The following RFX7 variants were observed in gnomAD, a reference collection of about 807,000 sequenced individuals.
RFX7 encodes DNA-binding protein RFX7.
A neutral mutation model predicts 111.8 loss-of-function variants in RFX7; 26 were observed. That is an observed-to-expected ratio of 0.23 (90% CI 0.17 to 0.32). RFX7 has a LOEUF of 0.32. Ranked by LOEUF, RFX7 falls within the 10% of genes least tolerant of loss-of-function variation. RFX7 has a pLI of 1.00. For missense variants in RFX7, 1,573 were observed against 1,772.9 expected (o/e 0.89, Z 2.02); for synonymous variants, 624 against 624.4 (o/e 1.00, Z 0.01).
intron 3 of RFX7, among the ~76,000 whole-genome samples, chr15:56,158,586 T>C (rs2042682747): frequency 6.6e-6 from 1 of 152,062 alleles, no homozygotes; most frequent in Non-Finnish European, 1.5e-5. Context: ...CAGCCTCACA[T>C]ATTTTTTTAT....
At chr15:56,141,428 C>T (rs1392351126) in intron 5 of RFX7, among the ~76,000 whole-genome samples, 3 of 151,682 alleles carry the variant, frequency 2.0e-5, no homozygotes, top group Admixed American at 1.3e-4. Context: ...TCAACTGCCT[C>T]ATTTTATAGA....
Position 56,243,531 on chromosome 15 carries a change from C to T in RFX7, c.-89G>A. The T allele has an allele frequency of 1.0e-6, 1 of 984,332 alleles. No homozygotes were observed. The highest frequency in any genetic ancestry group is 1.2e-6 in the Non-Finnish European group (1 of 829,390). The allele number at this position is 984,332 out of a possible 1,614,324, so 61.0% of individuals were successfully genotyped here. A position where few individuals can be genotyped will look rare whatever the true frequency, so the allele number is the denominator to read the frequency against. On this transcript the variant is annotated 5_prime_UTR_variant, in exon 1 of 10. It adds an upstream start codon to the 5' untranslated region. Coordinates refer to ENST00000559447, the MANE Select transcript of RFX7 (RefSeq NM_022841.7). The stretch of plus-strand genomic sequence containing the variant: ...GGCTCCTCACGGCCGGGGCGCTTCA[C>T]CGCGGGAGAGGCATGGCGGCGCCCC...
intron 2 of RFX7, among the ~76,000 whole-genome samples, chr15:56,232,433 C>T (rs188315516): frequency 6.6e-6 from 1 of 152,278 alleles, no homozygotes; most frequent in Admixed American, 6.5e-5. Flanking sequence ...ATCATTTTTA[C>T]CTCCTAGGCC....
At chr15:56,137,474 T>C (rs1567022493) in intron 5 of RFX7, among the ~76,000 whole-genome samples, 1 of 152,326 alleles carries the variant, frequency 6.6e-6, no homozygotes, top group South Asian at 2.1e-4. Flanking sequence ...CCCTTTATCA[T>C]TTTTTATTGC....
At chr15:56,102,053 T>C in intron 7 of RFX7, 116 bp downstream of exon 7, 1 of 725,834 alleles carries the variant, frequency 1.4e-6, no homozygotes, top group Non-Finnish European at 2.2e-6. Context: ...TTTTTTTTTC[T>C]TATTTGTAAA....
chr15:56,156,172 G>A (rs1042740681), intron 3 of RFX7, among the ~76,000 whole-genome samples: 1 of 151,996 alleles, frequency 6.6e-6, no homozygotes, highest in South Asian at 2.1e-4. Context: ...GTCTGGTTAC[G>A]ACCCTCAACT....
intron 3 of RFX7, among the ~76,000 whole-genome samples, chr15:56,158,514 C>T (rs531419987): frequency 6.6e-6 from 1 of 151,948 alleles, no homozygotes; most frequent in South Asian, 2.1e-4. Context: ...TTTTTTTTTA[C>T]AGAGATAGGG....
Position 56,092,263 on chromosome 15 carries a change from G to T in RFX7, c.*1082C>A, listed in dbSNP as rs1303298253. Reference sequence around the variant, plus strand: ...AAAGATTTGTGGCTTCAGACCTTAGGTGGTGAAATGTTTTTTGTTGTTTTT... The same window carrying T: ...AAAGATTTGTGGCTTCAGACCTTAGTTGGTGAAATGTTTTTTGTTGTTTTT... On this transcript the variant is annotated 3_prime_UTR_variant, in exon 10 of 10. Transcript: ENST00000559447. 1 of 152,494 alleles carries T rather than the reference G, an allele frequency of 6.6e-6. No homozygotes were observed. The highest frequency in any genetic ancestry group is 2.4e-5 in the African/African-American group (1 of 41,430). The allele number at this position is 152,494 out of a possible 1,614,324, so 9.4% of individuals were successfully genotyped here.
intron 2 of RFX7, among the ~76,000 whole-genome samples, chr15:56,179,650 C>A (rs2042943320): frequency 6.6e-6 from 1 of 151,948 alleles, no homozygotes; most frequent in Admixed American, 6.6e-5. Flanking sequence ...TGTCTGCCTG[C>A]CACTCTGGAC....
At chr15:56,101,772 A>C (rs1282800116) in intron 7 of RFX7, among the ~76,000 whole-genome samples, 1 of 152,230 alleles carries the variant, frequency 6.6e-6, no homozygotes, top group African/African-American at 2.4e-5. Flanking sequence ...AGCCTTGCGA[A>C]TATAACATTT....
chr15:56,212,093 T>C (rs1458041075), intron 2 of RFX7, among the ~76,000 whole-genome samples: 1 of 152,112 alleles, frequency 6.6e-6, no homozygotes, highest in African/African-American at 2.4e-5. Flanking sequence ...CAGTCAAAAT[T>C]TGGAAGCAAC....
chr15:56,174,883 A>G (rs965086249), intron 3 of RFX7, among the ~76,000 whole-genome samples: 1 of 151,894 alleles, frequency 6.6e-6, no homozygotes, highest in African/African-American at 2.4e-5. Flanking sequence ...TTGTATGGTG[A>G]ATGAATCACT....
Position 56,143,354 on chromosome 15 carries a change from T to TAC in RFX7, c.279-456_279-455dup, listed in dbSNP as rs10596362. Among the ~76,000 whole-genome samples, 386 of 149,826 alleles carry TAC rather than the reference T, an allele frequency of 2.6e-3. 2 individuals are homozygous for TAC. The highest frequency in any genetic ancestry group is 0.017 in the East Asian group (88 of 5,124). On this transcript the variant is annotated intron_variant, in intron 4 of 9. Coordinates refer to ENST00000559447, the MANE Select transcript of RFX7 (RefSeq NM_022841.7). ...ATACACATACATATACATATATACA[T>TAC]ACACACACACACACACACACATATA...
In RFX7 at chr15:56,229,085, C is replaced by T. The variant is rs192882768; in HGVS notation, c.161+14040G>A. Among the ~76,000 whole-genome samples, 15 of 152,276 alleles carry T rather than the reference C, an allele frequency of 9.9e-5. No homozygotes were observed. In the East Asian group the frequency reaches 2.7e-3, roughly 27 times the overall value. ...CAGGATGGCACAAGATTTCATCACA[C>T]TACTCAGATTAGGGAGCAATTTAAA... On this transcript the variant is annotated intron_variant, in intron 2 of 9. Transcript: ENST00000559447.
intron 5 of RFX7, among the ~76,000 whole-genome samples, chr15:56,115,545 T>C (rs1487863673): frequency 1.3e-5 from 2 of 152,202 alleles, no homozygotes; most frequent in African/African-American, 4.8e-5. Context: ...CACACACACA[T>C]ATGTGATAAA....
intron 2 of RFX7, among the ~76,000 whole-genome samples, chr15:56,209,135 A>G (rs538705660): frequency 1.3e-5 from 2 of 152,200 alleles, no homozygotes; most frequent in African/African-American, 2.4e-5. Flanking sequence ...TATAATTCTC[A>G]AAACTACAGA....
chr15:56,158,587 A>AT lies in RFX7; in HGVS notation c.196-14105dup, dbSNP rs143642217. Among the ~76,000 whole-genome samples the AT allele has an allele frequency of 4.5e-3, 690 of 152,130 alleles. 8 individuals carry two copies. Among genetic ancestry groups the AT allele is most frequent in the African/African-American group, 0.016 (658 of 41,518 alleles). ...ATCACAAATCACTGCAGCCTCACATATTTTTTTATGTAGCTGAAACATTTA... is the reference window on the plus strand; with the variant it reads ...ATCACAAATCACTGCAGCCTCACATATTTTTTTTATGTAGCTGAAACATTTA... On this transcript the variant is annotated intron_variant, in intron 3 of 9. Coordinates refer to ENST00000559447, the MANE Select transcript of RFX7 (RefSeq NM_022841.7).
At position 56,095,595 on chromosome 15, in the gene RFX7, A is replaced by G. The variant is rs2041663388; in HGVS notation, c.2133T>C (p.Gly711=). 6.2e-7 allele frequency: 1 copy of G among 1,614,002 alleles called. No homozygotes were observed. The highest frequency in any genetic ancestry group is 8.5e-7 in the Non-Finnish European group (1 of 1,179,880). ...HSGKTEGSTA[G]AQIPSKVSVN... is the part of the protein sequence containing the mutation. ...CTGATACCTTGCTAGGAATCTGAGC[A>G]CCTGCTGTTGAACCTTCTGTTTTCC... is the stretch of plus-strand genomic sequence containing the variant. The change falls in exon 10 of 10, where the codon GGT becomes GGC. Residue 711 remains glycine, a synonymous_variant. Transcript: ENST00000559447.
At chr15:56,221,956 T>A (rs1285552808) in intron 2 of RFX7, among the ~76,000 whole-genome samples, 2 of 152,192 alleles carry the variant, frequency 1.3e-5, no homozygotes. Flanking sequence ...AGAGATCAAT[T>A]CTGGTTCTCT....
Sources: gnomAD v4.1 joint callset for allele counts (sites outside exome capture counted in the v4.1 genomes callset) on GRCh38, gnomAD v4.1.1 for gene constraint, MANE v1.5 for transcripts, NCBI Gene and HGNC (gene_info 2026-07-23, HGNC 2026-07-21) for gene names.